The following MGAT4C variants were observed in gnomAD, a reference collection of about 807,000 sequenced individuals.
The protein encoded by MGAT4C is alpha-1,3-mannosyl-glycoprotein 4-beta-N-acetylglucosaminyltransferase C.
Under a neutral mutation model 40.1 loss-of-function variants are expected in MGAT4C, and 19 were observed. The observed-to-expected ratio is 0.47, with a 90% CI of 0.33 to 0.70. The LOEUF (loss-of-function observed/expected upper bound fraction) is 0.70, where lower values mean the gene tolerates loss of function less well. Ranked by LOEUF, MGAT4C falls within the 30% of genes least tolerant of loss-of-function variation. The pLI is 0.02. For missense variants in MGAT4C, 491 were observed against 563.2 expected (o/e 0.87, Z 1.30); for synonymous variants, 181 against 187.1 (o/e 0.97, Z 0.27).
chr12:85,963,698 A>G lies in MGAT4C; in HGVS notation c.*15591T>C, dbSNP rs1240178616. 6.6e-6 allele frequency: 1 copy of G among 152,050 alleles called. No homozygotes were observed. Among genetic ancestry groups the G allele is most frequent in the Non-Finnish European group, 1.5e-5 (1 of 67,928 alleles). The allele number at this position is 152,050 out of a possible 1,614,324, so 9.4% of individuals were successfully genotyped here. A position where few individuals can be genotyped will look rare whatever the true frequency, so the allele number is the denominator to read the frequency against. On this transcript the variant is annotated 3_prime_UTR_variant, in exon 5 of 5. Transcript: ENST00000611864. ...GAGGCTCAAGGTTGTTTAATGGCAC[A>G]GATAATATAATTCAAATCATGACCC...
intron 1 of MGAT4C, among the ~76,000 whole-genome samples, chr12:86,158,828 A>C (rs1281537107): frequency 1.3e-5 from 2 of 151,856 alleles, no homozygotes; most frequent in African/African-American, 2.4e-5. Flanking sequence ...TCTTGATTTC[A>C]CTCTCAGCCT....
intron 3 of MGAT4C, among the ~76,000 whole-genome samples, chr12:86,345,724 G>A (rs776895702): frequency 1.3e-5 from 2 of 152,116 alleles, no homozygotes; most frequent in East Asian, 3.9e-4. Flanking sequence ...ACATGTCCAT[G>A]TGCCTTTATA....
intron 1 of MGAT4C, among the ~76,000 whole-genome samples, chr12:86,242,264 A>C (rs1951822189): frequency 6.6e-6 from 1 of 152,098 alleles, no homozygotes; most frequent in African/African-American, 2.4e-5. Flanking sequence ...CGTTACAAAA[A>C]ATCTCCATTT....
intron 2 of MGAT4C, among the ~76,000 whole-genome samples, chr12:86,008,213 A>G (rs944145395): frequency 8.6e-5 from 13 of 152,020 alleles, no homozygotes; most frequent in Admixed American, 2.0e-4. Context: ...TTTCTACTGA[A>G]AAACTATTTA....
intron 1 of MGAT4C, among the ~76,000 whole-genome samples, chr12:86,100,554 A>G (rs970069657): frequency 6.6e-6 from 1 of 151,480 alleles, no homozygotes; most frequent in Non-Finnish European, 1.5e-5. Context: ...TGTTAATTAA[A>G]AAAATATAAT....
At chr12:86,808,839 AT>A (rs1365335626) in intron 1 of MGAT4C, among the ~76,000 whole-genome samples, 1 of 152,022 alleles carries the variant, frequency 6.6e-6, no homozygotes, top group African/African-American at 2.4e-5. Context: ...AGGAAGTCAA[AT>A]TGTCTTTGTA....
chr12:86,680,070 A>G (rs545548551), intron 2 of MGAT4C, among the ~76,000 whole-genome samples: 13 of 151,956 alleles, frequency 8.6e-5, no homozygotes, highest in African/African-American at 3.1e-4. Flanking sequence ...TTCCTTGTGT[A>G]TGTTTATTTT....
At chr12:86,805,839 G>A (rs1952342446) in intron 1 of MGAT4C, among the ~76,000 whole-genome samples, 1 of 151,948 alleles carries the variant, frequency 6.6e-6, no homozygotes. Context: ...CTTCCCACCA[G>A]CAGTGTATAA....
At chr12:86,580,176 T>G (rs1454213098) in intron 2 of MGAT4C, among the ~76,000 whole-genome samples, 1 of 151,436 alleles carries the variant, frequency 6.6e-6, no homozygotes, top group Admixed American at 6.6e-5. Context: ...ACCTCTGTAA[T>G]ATCTCCAGTG....
intron 3 of MGAT4C, among the ~76,000 whole-genome samples, chr12:86,406,675 G>A (rs1956481093): frequency 1.3e-5 from 2 of 151,664 alleles, no homozygotes; most frequent in South Asian, 4.2e-4. Context: ...AATGTAAAAT[G>A]GTACAACCAC....
rs1236465438 is a variant in MGAT4C at position 85,964,107 on chromosome 12, A to T, written c.*15182T>A. On this transcript the variant is annotated 3_prime_UTR_variant, in exon 5 of 5. Coordinates refer to ENST00000611864, the MANE Select transcript of MGAT4C (RefSeq NM_001351288.2). ...AATTACTGGTGTTTCAACAGAAATA[A>T]ACCCAACATCAGGATTTATCAAATA... 1 of 152,102 alleles carries T rather than the reference A, an allele frequency of 6.6e-6. No individual in the cohort carries two copies. The highest frequency in any genetic ancestry group is 1.5e-5 in the Non-Finnish European group (1 of 67,950). The allele number at this position is 152,102 out of a possible 1,614,324, so 9.4% of individuals were successfully genotyped here.
intron 1 of MGAT4C, among the ~76,000 whole-genome samples, chr12:86,752,492 T>C (rs1951242795): frequency 6.6e-6 from 1 of 152,088 alleles, no homozygotes; most frequent in Non-Finnish European, 1.5e-5. Flanking sequence ...TAGATTTTCA[T>C]AATAGTTCTA....
chr12:86,154,616 C>A (rs1348098033), intron 1 of MGAT4C, among the ~76,000 whole-genome samples: 1 of 152,126 alleles, frequency 6.6e-6, no homozygotes, highest in Non-Finnish European at 1.5e-5. Flanking sequence ...AGTGAATCTG[C>A]CCAACGGAAA....
At chr12:86,796,609 A>G (rs771473297) in intron 1 of MGAT4C, among the ~76,000 whole-genome samples, 19 of 152,008 alleles carry the variant, frequency 1.2e-4, no homozygotes, top group Non-Finnish European at 1.9e-4. Flanking sequence ...CAAGAGAGCT[A>G]TTGTATAACA....
intron 2 of MGAT4C, among the ~76,000 whole-genome samples, chr12:86,599,912 G>A (rs1291390540): frequency 6.6e-6 from 1 of 151,868 alleles, no homozygotes; most frequent in Non-Finnish European, 1.5e-5. Flanking sequence ...AGTACACAGT[G>A]GTTTTTTTTT....
intron 1 of MGAT4C, among the ~76,000 whole-genome samples, chr12:86,075,063 C>T (rs1452608521): frequency 6.6e-6 from 1 of 152,122 alleles, no homozygotes; most frequent in Non-Finnish European, 1.5e-5. Flanking sequence ...CTCATTTCAG[C>T]ATTAACCCAA....
chr12:86,586,804 T>A (rs1327642354), intron 2 of MGAT4C, among the ~76,000 whole-genome samples: 3 of 152,020 alleles, frequency 2.0e-5, no homozygotes, highest in African/African-American at 7.2e-5. Flanking sequence ...GGTTGTTTGT[T>A]TTTTTTCTTG....
intron 3 of MGAT4C, among the ~76,000 whole-genome samples, chr12:86,352,360 T>C (rs1290600152): frequency 1.3e-5 from 2 of 152,116 alleles, no homozygotes; most frequent in African/African-American, 4.8e-5. Context: ...GTAATATACA[T>C]GGATCAAAAC....
chr12:86,623,511 T>G (rs1411086155), intron 2 of MGAT4C, among the ~76,000 whole-genome samples: 1 of 152,120 alleles, frequency 6.6e-6, no homozygotes, highest in Non-Finnish European at 1.5e-5. Context: ...ACAATGCAAG[T>G]TGAAAAGACA....
Sources: gnomAD v4.1 joint callset for allele counts (sites outside exome capture counted in the v4.1 genomes callset) on GRCh38, gnomAD v4.1.1 for gene constraint, MANE v1.5 for transcripts, NCBI Gene and HGNC (gene_info 2026-07-23, HGNC 2026-07-21) for gene names.